COL23A1: variants seen among roughly 807,000 people sequenced by gnomAD.
The protein encoded by COL23A1 is collagen alpha-1(XXIII) chain.
A neutral mutation model predicts 99.3 loss-of-function variants in COL23A1; 97 were observed. The ratio of observed to expected loss-of-function variants is 0.98; its 90% CI spans 0.83 to 1.16. COL23A1 has a LOEUF of 1.16. COL23A1 is among the 50% of genes most tolerant of loss of function. COL23A1 has a pLI of 0.00. For synonymous variants in COL23A1, 320 were observed against 308.2 expected (o/e 1.04, Z -0.40); for missense variants, 762 against 757.4 (o/e 1.01, Z -0.07).
Position 178,313,441 on chromosome 5 carries a change from G to A in COL23A1, c.362-6522C>T, listed in dbSNP as rs112054429. Among the ~76,000 whole-genome samples the A allele has an allele frequency of 8.7e-3, 1,331 of 152,318 alleles. 12 individuals are homozygous for A. Among genetic ancestry groups the A allele is most frequent in the African/African-American group, 0.017 (715 of 41,572 alleles). On this transcript the variant is annotated intron_variant, in intron 2 of 28. Coordinates refer to ENST00000390654, the MANE Select transcript of COL23A1 (RefSeq NM_173465.4). This position sits in a 1 kb window ranked among gnomAD's most constrained non-coding sequence, Gnocchi z 4.2. ...CCTGAGCGAGGCTGTGAGCCGGGCC[G>A]TCCTGATGGAGACTGTGGGGATGCT...
At chr5:178,559,241 C>G (rs2113550373) in intron 2 of COL23A1, among the ~76,000 whole-genome samples, 1 of 152,316 alleles carries the variant, frequency 6.6e-6, no homozygotes, top group East Asian at 1.9e-4. Flanking sequence ...ATTTTCACAC[C>G]ATGAGATATA....
At chr5:178,262,481 C>A (rs1282524143) in intron 9 of COL23A1, among the ~76,000 whole-genome samples, 2 of 152,098 alleles carry the variant, frequency 1.3e-5, no homozygotes, top group Non-Finnish European at 2.9e-5. Flanking sequence ...GAGCAGCTGT[C>A]CTGGGGGAAT....
chr5:178,383,356 C>A (rs1171128071), intron 2 of COL23A1, among the ~76,000 whole-genome samples: 1 of 152,206 alleles, frequency 6.6e-6, no homozygotes, highest in Non-Finnish European at 1.5e-5. Flanking sequence ...AGGGCCCAGC[C>A]CTGACCCAGT....
intron 2 of COL23A1, among the ~76,000 whole-genome samples, chr5:178,416,297 T>C (rs1363548147): frequency 6.6e-6 from 1 of 152,118 alleles, no homozygotes; most frequent in African/African-American, 2.4e-5. Context: ...GGTTCAGTCT[T>C]AGAGATGCGC....
intron 2 of COL23A1, among the ~76,000 whole-genome samples, chr5:178,489,575 G>GGCC (rs5873619): frequency 6.6e-6 from 1 of 152,160 alleles, no homozygotes; most frequent in East Asian, 1.9e-4. Flanking sequence ...ACAGGAAGCA[G>GGCC]TTCATCACAG....
intron 2 of COL23A1, among the ~76,000 whole-genome samples, chr5:178,489,376 G>T (rs1757806527): frequency 6.6e-6 from 1 of 152,226 alleles, no homozygotes; most frequent in Admixed American, 6.5e-5. Context: ...TGCACTGTCG[G>T]CTCCCCTGGT....
At chr5:178,427,346 G>C (rs1766001183) in intron 2 of COL23A1, among the ~76,000 whole-genome samples, 1 of 152,196 alleles carries the variant, frequency 6.6e-6, no homozygotes, top group Admixed American at 6.5e-5. Flanking sequence ...CAGGCCCTTT[G>C]GAATACAGCT....
At chr5:178,498,421 C>T (rs1269695481) in intron 2 of COL23A1, among the ~76,000 whole-genome samples, 2 of 150,762 alleles carry the variant, frequency 1.3e-5, no homozygotes, top group Non-Finnish European at 3.0e-5. Flanking sequence ...ATCTGACAGC[C>T]TAAAATTATG....
intron 2 of COL23A1, among the ~76,000 whole-genome samples, chr5:178,416,758 G>T (rs1184110677): frequency 6.6e-6 from 1 of 152,178 alleles, no homozygotes; most frequent in Non-Finnish European, 1.5e-5. Flanking sequence ...GATGAGATCT[G>T]GAGTGGGAGT....
At chr5:178,502,613 C>A (rs532528203) in intron 2 of COL23A1, among the ~76,000 whole-genome samples, 1 of 152,282 alleles carries the variant, frequency 6.6e-6, no homozygotes, top group East Asian at 1.9e-4. Flanking sequence ...AGAAGTTCAT[C>A]CACATCAAGT....
At chr5:178,543,845 G>C (rs1761432281) in intron 2 of COL23A1, among the ~76,000 whole-genome samples, 1 of 152,290 alleles carries the variant, frequency 6.6e-6, no homozygotes, top group East Asian at 1.9e-4. Context: ...CTACAAACAA[G>C]GACAATGTAT....
chr5:178,243,069 A>C (rs775787247), intron 25 of COL23A1, among the ~76,000 whole-genome samples: 18 of 152,204 alleles, frequency 1.2e-4, no homozygotes, highest in Non-Finnish European at 2.1e-4. Context: ...GCGCGCCTGT[A>C]ATCCCAGCTA....
intron 2 of COL23A1, among the ~76,000 whole-genome samples, chr5:178,451,712 A>G (rs1288371383): frequency 1.3e-5 from 2 of 151,956 alleles, no homozygotes; most frequent in African/African-American, 4.8e-5. Flanking sequence ...TATGGTAAAG[A>G]CAACAGCCAG....
intron 8 of COL23A1, among the ~76,000 whole-genome samples, chr5:178,263,680 T>C (rs769001166): frequency 2.6e-4 from 39 of 152,286 alleles, no homozygotes; most frequent in Non-Finnish European, 5.6e-4. Flanking sequence ...GGTCTGAGTG[T>C]CTCCTGAAGG....
intron 5 of COL23A1, among the ~76,000 whole-genome samples, chr5:178,285,814 G>C (rs1757118955): frequency 6.6e-6 from 1 of 152,244 alleles, no homozygotes; most frequent in Non-Finnish European, 1.5e-5. Context: ...ATATACCCCA[G>C]GCTGAGAGCC....
chr5:178,507,365 C>G (rs1428043495), intron 2 of COL23A1, among the ~76,000 whole-genome samples: 1 of 152,168 alleles, frequency 6.6e-6, no homozygotes, highest in Non-Finnish European at 1.5e-5. Flanking sequence ...CTGCAAGGTA[C>G]AGTCCTGTTC....
chr5:178,289,533 T>G (rs1217794640), intron 4 of COL23A1, among the ~76,000 whole-genome samples: 2 of 152,172 alleles, frequency 1.3e-5, no homozygotes, highest in Non-Finnish European at 2.9e-5. Context: ...CAGCCAGGTG[T>G]GCTCACAAGG....
intron 2 of COL23A1, among the ~76,000 whole-genome samples, chr5:178,369,745 GC>G (rs34903668): frequency 6.6e-6 from 1 of 151,874 alleles, no homozygotes; most frequent in Non-Finnish European, 1.5e-5. Context: ...TGATTGTAAG[GC>G]CCCCCCAGCC....
At chr5:178,534,129 G>A (rs1261330466) in intron 2 of COL23A1, among the ~76,000 whole-genome samples, 1 of 152,150 alleles carries the variant, frequency 6.6e-6, no homozygotes. Context: ...AGACTGGGTG[G>A]CTTATAAATG....
Sources: gnomAD v4.1 joint callset for allele counts (sites outside exome capture counted in the v4.1 genomes callset) on GRCh38, gnomAD v4.1.1 for gene constraint, Gnocchi (gnomAD v3.1) non-coding constraint, MANE v1.5 for transcripts, NCBI Gene and HGNC (gene_info 2026-07-23, HGNC 2026-07-21) for gene names.